Variants in UBE3C observed in about 807,000 individuals in gnomAD.
UBE3C encodes the protein ubiquitin protein ligase E3C, also known as ubiquitin-protein ligase E3C.
In UBE3C, 42 loss-of-function variants were observed where a neutral mutation model predicts 129.4. That is an observed-to-expected ratio of 0.32 (90% CI 0.25 to 0.42). UBE3C has a LOEUF of 0.42. Among genes scored for constraint, UBE3C ranks in the 10% least tolerant of loss-of-function variants. UBE3C has a pLI of 1.00. For synonymous variants in UBE3C, 510 were observed against 492.4 expected, an observed-to-expected ratio of 1.04 and a Z score of -0.47; for missense variants, 1,049 against 1,319.1, an observed-to-expected ratio of 0.80 and a Z score of 3.17.
intron 10 of UBE3C, among the ~76,000 whole-genome samples, chr7:157,187,999 G>C (rs1467766233): frequency 6.6e-6 from 1 of 152,134 alleles, no homozygotes; most frequent in Admixed American, 6.5e-5. Flanking sequence ...TAAAAATATG[G>C]CCTGTTTGTG....
intron 1 of UBE3C, chr7:157,140,046 A>C (rs1345373616): frequency 1.0e-6 from 1 of 985,132 alleles, no homozygotes; most frequent in African/African-American, 1.7e-5. Flanking sequence ...GGGTAGGCAA[A>C]CCATGACGCC....
At chr7:157,255,799 G>T (rs1180638484) in intron 21 of UBE3C, among the ~76,000 whole-genome samples, 1 of 152,160 alleles carries the variant, frequency 6.6e-6, no homozygotes, top group African/African-American at 2.4e-5. Flanking sequence ...ATTAAAAGCT[G>T]TAAGTGGCAG....
rs76061151 is a variant in UBE3C at position 157,201,552 on chromosome 7, C to T, written c.1332-169C>T. On this transcript the variant is annotated intron_variant, in intron 10 of 22. Coordinates refer to ENST00000348165, the MANE Select transcript of UBE3C (RefSeq NM_014671.3). Reference sequence around the variant, plus strand: ...CTTTGGGAGCCGTGTCTCGGTGTCTCATCAAATGGCTGGTTGTCTGAGGCA... The same window carrying T: ...CTTTGGGAGCCGTGTCTCGGTGTCTTATCAAATGGCTGGTTGTCTGAGGCA... Among the ~76,000 whole-genome samples the T allele has an allele frequency of 3.8e-3, 561 of 146,530 alleles. 4 individuals are homozygous for T. The highest frequency in any genetic ancestry group is 0.013 in the African/African-American group (532 of 39,698).
At position 157,262,409 on chromosome 7, in the gene UBE3C, C is replaced by CTTTTTTTTTTTTTTT. The variant is rs371300314; in HGVS notation, c.3082-5163_3082-5149dup. ...AGAATCATGTAAGTCTCTTCATAGG[C>CTTTTTTTTTTTTTTT]TTTTTTTTTTTTTTTTTTTTTTTTT... On this transcript the variant is annotated intron_variant, in intron 22 of 22. Coordinates refer to ENST00000348165, the MANE Select transcript of UBE3C (RefSeq NM_014671.3). Among the ~76,000 whole-genome samples, 24 of 54,038 alleles carry CTTTTTTTTTTTTTTT rather than the reference C, an allele frequency of 4.4e-4. 8 individuals carry two copies. The highest frequency in any genetic ancestry group is 8.2e-4 in the African/African-American group (11 of 13,440). 35.5% of individuals were successfully genotyped at this position (54,038 alleles called of 152,430 possible).
intron 14 of UBE3C, among the ~76,000 whole-genome samples, chr7:157,220,431 A>G (rs1404933726): frequency 6.6e-6 from 1 of 152,248 alleles, no homozygotes; most frequent in Non-Finnish European, 1.5e-5. Flanking sequence ...TTTAGATATT[A>G]TGCACCATCA....
intron 18 of UBE3C, among the ~76,000 whole-genome samples, chr7:157,247,434 A>C (rs182421050): frequency 6.0e-4 from 92 of 152,284 alleles, no homozygotes; most frequent in African/African-American, 2.1e-3. Context: ...GCTCACACCT[A>C]TAATCCCAGC....
At chr7:157,232,047 G>A (rs1385736362) in intron 18 of UBE3C, among the ~76,000 whole-genome samples, 1 of 152,124 alleles carries the variant, frequency 6.6e-6, no homozygotes, top group African/African-American at 2.4e-5. Context: ...CATTCTTCTG[G>A]TTTTGCCAGT....
At chr7:157,251,294 TTG>T (rs1796615127) in intron 19 of UBE3C, among the ~76,000 whole-genome samples, 1 of 152,234 alleles carries the variant, frequency 6.6e-6, no homozygotes, top group Non-Finnish European at 1.5e-5. Flanking sequence ...GCTCTCAAAT[TTG>T]TTTTTTTCAG....
intron 1 of UBE3C, among the ~76,000 whole-genome samples, chr7:157,145,545 T>G (rs1312188458): frequency 6.6e-6 from 1 of 152,088 alleles, no homozygotes; most frequent in Non-Finnish European, 1.5e-5. Context: ...AAATCCTCAT[T>G]GCATATTCAT....
intron 1 of UBE3C, among the ~76,000 whole-genome samples, chr7:157,140,432 G>A (rs1807411332): frequency 6.6e-6 from 1 of 152,194 alleles, no homozygotes; most frequent in Non-Finnish European, 1.5e-5. Context: ...GTGTGATGGT[G>A]ATTGCTTGGA....
At chr7:157,171,686 ATTTT>A (rs77471740) in intron 4 of UBE3C, among the ~76,000 whole-genome samples, 12 of 37,580 alleles carry the variant, frequency 3.2e-4, no homozygotes, top group African/African-American at 4.4e-4. Flanking sequence ...ATATATATAT[ATTTT>A]TTTTTTTTTT....
chr7:157,217,956 G>A (rs1356472225), intron 14 of UBE3C, among the ~76,000 whole-genome samples: 1 of 152,230 alleles, frequency 6.6e-6, no homozygotes, highest in Non-Finnish European at 1.5e-5. Flanking sequence ...CCTGGAGGCG[G>A]AGGTTGCAGT....
chr7:157,170,579 G>C, intron 4 of UBE3C, 129 bp downstream of exon 4: 8 of 1,019,082 alleles, frequency 7.9e-6, no homozygotes, highest in Non-Finnish European at 1.0e-5. Flanking sequence ...AAACTTCTCA[G>C]CTAGCTGTGA....
intron 13 of UBE3C, among the ~76,000 whole-genome samples, 185 bp downstream of exon 13, chr7:157,208,120 G>A (rs943976149): frequency 3.0e-5 from 4 of 132,642 alleles, no homozygotes; most frequent in Admixed American, 9.0e-5. Flanking sequence ...TGTCTCCCAG[G>A]CTGGAGTGCA....
At position 157,182,338 on chromosome 7, in the gene UBE3C, A is replaced by T; in HGVS notation, c.991+10A>T. 6.2e-7 allele frequency: 1 copy of T among 1,612,642 alleles called. No homozygotes were observed. The highest frequency in any genetic ancestry group is 8.5e-7 in the Non-Finnish European group (1 of 1,179,456). On this transcript the variant is annotated intron_variant, in intron 8 of 22. Coordinates refer to ENST00000348165, the MANE Select transcript of UBE3C (RefSeq NM_014671.3). ...GGCGAAAATTATTTGGGTATGAAAT[A>T]CAAGATCTTTTTTACCTGAACACAC...
At chr7:157,213,962 A>T (rs556260271) in intron 13 of UBE3C, among the ~76,000 whole-genome samples, 5 of 152,246 alleles carry the variant, frequency 3.3e-5, no homozygotes, top group African/African-American at 7.2e-5. Context: ...GTATTATTTG[A>T]TATAAATAAA....
intron 22 of UBE3C, among the ~76,000 whole-genome samples, chr7:157,258,816 A>G (rs1464874136): frequency 1.3e-5 from 2 of 152,160 alleles, no homozygotes; most frequent in Non-Finnish European, 2.9e-5. Context: ...TTTACTTCGA[A>G]ACTATTTTAA....
intron 22 of UBE3C, among the ~76,000 whole-genome samples, chr7:157,265,711 A>G (rs1193280344): frequency 6.6e-6 from 1 of 152,208 alleles, no homozygotes; most frequent in Non-Finnish European, 1.5e-5. Context: ...TCTCAATTTT[A>G]AACCTAAAGG....
chr7:157,262,482 C>T (rs1796946117), intron 22 of UBE3C, among the ~76,000 whole-genome samples: 1 of 122,082 alleles, frequency 8.2e-6, no homozygotes, highest in African/African-American at 3.0e-5. Context: ...TACAATGGCC[C>T]ATCTCAGCTC....
Sources: gnomAD v4.1 joint callset for allele counts (sites outside exome capture counted in the v4.1 genomes callset) on GRCh38, gnomAD v4.1.1 for gene constraint, MANE v1.5 for transcripts, NCBI Gene and HGNC (gene_info 2026-07-23, HGNC 2026-07-21) for gene names.